The following TTLL6 variants were observed in gnomAD, a reference collection of about 807,000 sequenced individuals.
TTLL6 encodes the protein tubulin tyrosine ligase like 6.
In TTLL6, 75 loss-of-function variants were observed where a neutral mutation model predicts 96.4. That is an observed-to-expected ratio of 0.78 (90% confidence interval 0.65 to 0.94). The LOEUF is 0.94. Ranked by LOEUF, TTLL6 falls within the 40% of genes least tolerant of loss-of-function variation. TTLL6 has a pLI of 0.00. For missense variants in TTLL6, 1,030 were observed against 1,093.0 expected (o/e 0.94, Z 0.81); for synonymous variants, 411 against 419.4 (o/e 0.98, Z 0.24).
In TTLL6 at chr17:48,787,963, T is replaced by C; in HGVS notation, c.1437A>G (p.Leu479=). Residue 479 remains leucine (L), a synonymous_variant, in exon 11 of 16, where the codon TTA becomes TTG. Transcript: ENST00000393382. ...EEAKGFRAVQ[L]KKTETYEKEN... The stretch of plus-strand genomic sequence containing the variant: ...CCTTCTCATACGTTTCAGTTTTCTT[T>C]AACTGCACGGCCCGGAAACCCTTGG... 1 of 1,614,142 alleles carries C rather than the reference T, an allele frequency of 6.2e-7. No individual in the cohort carries two copies. The highest frequency in any genetic ancestry group is 2.2e-5 in the East Asian group (1 of 44,880).
intron 1 of TTLL6, among the ~76,000 whole-genome samples, chr17:48,811,994 C>G (rs1355958236): frequency 6.6e-6 from 1 of 152,042 alleles, no homozygotes; most frequent in Non-Finnish European, 1.5e-5. Flanking sequence ...AGCCACCACG[C>G]CCAGCCAGAA....
chr17:48,800,852 A>G (rs1367526980), intron 5 of TTLL6, among the ~76,000 whole-genome samples: 2 of 152,184 alleles, frequency 1.3e-5, no homozygotes, highest in Non-Finnish European at 2.9e-5. Flanking sequence ...ATAGCATTGC[A>G]TGGGACAGAG....
At position 48,791,374 on chromosome 17, in the gene TTLL6, C is replaced by A; in HGVS notation, c.1224+4G>T. Reference sequence around the variant, plus strand: ...GTTTTCGCCCCTCGCCCAAACTTCCCTACCTCCAGCAGCCAGGGTTTGAGT... The same window carrying A: ...GTTTTCGCCCCTCGCCCAAACTTCCATACCTCCAGCAGCCAGGGTTTGAGT... On this transcript the variant is annotated splice_donor_region_variant and intron_variant, in intron 9 of 15. Transcript: ENST00000393382. 1 of 1,613,808 alleles carries A rather than the reference C, an allele frequency of 6.2e-7. No homozygotes were observed. Among genetic ancestry groups the A allele is most frequent in the South Asian group, 1.1e-5 (1 of 91,036 alleles).
intron 2 of TTLL6, chr17:48,804,430 G>C (rs1195720128): frequency 2.0e-6 from 1 of 501,766 alleles, no homozygotes; most frequent in Non-Finnish European, 3.9e-6. Flanking sequence ...TCAGTATGGT[G>C]CTATCATACT....
chr17:48,784,799 G>C, intron 13 of TTLL6, 124 bp downstream of exon 13: 1 of 719,542 alleles, frequency 1.4e-6, no homozygotes, highest in East Asian at 2.7e-5. Context: ...CTTCTCAAGG[G>C]GAGACACCAA....
At chr17:48,805,951 A>G (rs148079649) in intron 1 of TTLL6, among the ~76,000 whole-genome samples, 1 of 152,324 alleles carries the variant, frequency 6.6e-6, no homozygotes, top group East Asian at 1.9e-4. Context: ...CTCTACTAAA[A>G]ATACAAAATA....
At chr17:48,798,095 G>A (rs1458578566) in intron 6 of TTLL6, among the ~76,000 whole-genome samples, 1 of 151,664 alleles carries the variant, frequency 6.6e-6, no homozygotes, top group Non-Finnish European at 1.5e-5. Flanking sequence ...GTGACAGAGT[G>A]AGACCCTGTC....
Position 48,786,155 on chromosome 17 carries a change from C to G in TTLL6, c.1761+9G>C, listed in dbSNP as rs2039087115. ...GTGGCTACGTGTGTTCCCCTCAATC[C>G]AGGTTTACCTGTTTGGAGGCTTGGG... On this transcript the variant is annotated intron_variant, in intron 12 of 15. Transcript: ENST00000393382. The G allele has an allele frequency of 6.2e-7, 1 of 1,614,042 alleles. No homozygotes were observed. The highest frequency in any genetic ancestry group is 1.3e-5 in the African/African-American group (1 of 74,944).
At chr17:48,809,637 T>A (rs940232944) in intron 1 of TTLL6, among the ~76,000 whole-genome samples, 1 of 151,596 alleles carries the variant, frequency 6.6e-6, no homozygotes, top group African/African-American at 2.4e-5. Flanking sequence ...GGTGAGAGGA[T>A]TGCTTGAGCC....
intron 1 of TTLL6, among the ~76,000 whole-genome samples, chr17:48,809,875 C>T (rs879543997): frequency 6.6e-6 from 1 of 151,574 alleles, no homozygotes; most frequent in Non-Finnish European, 1.5e-5. Flanking sequence ...AAAGGCCGGG[C>T]GCGGTGGCTC....
intron 10 of TTLL6, among the ~76,000 whole-genome samples, chr17:48,788,550 G>A (rs1273385603): frequency 1.3e-5 from 2 of 152,140 alleles, no homozygotes; most frequent in South Asian, 2.1e-4. Flanking sequence ...AGACTGATTC[G>A]GAGAAGGCCC....
intron 15 of TTLL6, chr17:48,765,738 A>G (rs2143156736): frequency 6.6e-6 from 1 of 152,608 alleles, no homozygotes; most frequent in Admixed American, 6.5e-5. Context: ...CTTAGTGCAG[A>G]TACTTGATCA....
chr17:48,768,868 T>C (rs957776883), intron 15 of TTLL6, 121 bp downstream of exon 15: 1 of 1,087,150 alleles, frequency 9.2e-7, no homozygotes, highest in African/African-American at 1.6e-5. Context: ...TAAGTCTTCA[T>C]TGTCTACTTA....
At position 48,817,111 on chromosome 17, in the gene TTLL6, C is replaced by T. The variant is rs1221503741; in HGVS notation, c.-39G>A. 1 of 1,497,738 alleles carries T rather than the reference C, an allele frequency of 6.7e-7. No homozygotes were observed. The allele number at this position is 1,497,738 out of a possible 1,614,324, so 92.8% of individuals were successfully genotyped here. ...GCCCCAACCCCAACCCGCGCTCGCC[C>T]TAACTTTGGGTCCGCCCGGCCCTCA... On this transcript the variant is annotated 5_prime_UTR_variant, in exon 1 of 16. The change abolishes the stop of an existing upstream ORF in the 5' untranslated region. Transcript: ENST00000393382.
rs536260089 is a variant in TTLL6 at position 48,801,641 on chromosome 17, G to A, written c.364C>T (p.Arg122Cys). 5.3e-5 allele frequency: 82 copies of A among 1,550,750 alleles called. No homozygotes were observed. The highest frequency in any genetic ancestry group is 6.5e-5 in the Non-Finnish European group (74 of 1,146,352). The change falls in exon 4 of 16, where the codon CGC becomes TGC. Residue 122 changes from arginine (R) to cysteine (C), a missense_variant and splice_region_variant. Transcript: ENST00000393382. Reference sequence around the variant, plus strand: ...AAGCCGTACTGTTGGGCAGCCCTGCGCACTATTGAAGAAAGAAAGGCCTAT... The same window carrying A: ...AAGCCGTACTGTTGGGCAGCCCTGCACACTATTGAAGAAAGAAAGGCCTAT... Reference protein sequence around the residue: ...NLSSCRYESVRRAAQQYGFRE... With the variant: ...NLSSCRYESVCRAAQQYGFRE...
At chr17:48,800,811 A>T (rs961475225) in intron 5 of TTLL6, among the ~76,000 whole-genome samples, 1 of 152,084 alleles carries the variant, frequency 6.6e-6, no homozygotes, top group Non-Finnish European at 1.5e-5. Flanking sequence ...ATATAAAGAG[A>T]GCAGAGAAGG....
At chr17:48,765,307 G>A (rs1466298317) in intron 15 of TTLL6, among the ~76,000 whole-genome samples, 1 of 152,108 alleles carries the variant, frequency 6.6e-6, no homozygotes, top group Admixed American at 6.6e-5. Flanking sequence ...AGCTACATGG[G>A]AGGCTGAGGC....
At chr17:48,796,687 G>A (rs1191956006) in intron 7 of TTLL6, among the ~76,000 whole-genome samples, 1 of 151,900 alleles carries the variant, frequency 6.6e-6, no homozygotes, top group Non-Finnish European at 1.5e-5. Context: ...AAAACTTCAG[G>A]AGTCCTGGGG....
Position 48,801,321 on chromosome 17 carries a change from C to T in TTLL6, c.545G>A (p.Ser182Asn). ...CRKDLLARNM[S>N]RMLKMFPKDF... is the part of the protein sequence containing the mutation. ...TTTAGGGAACATCTTTAACATGCGG[C>T]TCATGTTCCTGGCCAGCAAGTCCTT... Residue 182 changes from serine (S) to asparagine (N), a missense_variant, in exon 5 of 16, where the codon AGC becomes AAC. Physicochemically the swap from Ser to Asn is conservative, Grantham distance 46. Coordinates refer to ENST00000393382, the MANE Select transcript of TTLL6 (RefSeq NM_001130918.3). The T allele has an allele frequency of 6.4e-7, 1 of 1,551,678 alleles. No individual in the cohort carries two copies. The highest frequency in any genetic ancestry group is 8.7e-7 in the Non-Finnish European group (1 of 1,146,994).
Sources: allele counts gnomAD v4.1 joint callset (sites outside exome capture counted in the v4.1 genomes callset), GRCh38; gene constraint gnomAD v4.1.1; transcripts MANE v1.5; gene names NCBI Gene and HGNC (gene_info 2026-07-23, HGNC 2026-07-21).